CCDC192: variants seen among roughly 807,000 people sequenced by gnomAD.
CCDC192 encodes the protein coiled-coil domain-containing protein 192.
At chr5:127,707,960 G>A (rs248721) in intron 2 of CCDC192, among the ~76,000 whole-genome samples, 200 bp downstream of exon 2, 94,178 of 151,810 alleles carry the variant, frequency 0.62, 29,777 homozygotes, top group Non-Finnish European at 0.66. Context: ...GGTAACTATG[G>A]GATGTTACTG....
intron 2 of CCDC192, among the ~76,000 whole-genome samples, chr5:127,734,099 C>T (rs1333127699): frequency 7.5e-6 from 1 of 133,248 alleles, no homozygotes; most frequent in Non-Finnish European, 1.6e-5. Flanking sequence ...ACAACAGTCC[C>T]CAGAGTGTGA....
At chr5:127,834,290 C>A (rs569889862) in intron 5 of CCDC192, among the ~76,000 whole-genome samples, 1 of 152,308 alleles carries the variant, frequency 6.6e-6, no homozygotes, top group East Asian at 1.9e-4. Flanking sequence ...CCCTTTGTCT[C>A]ATCACTTGTC....
chr5:127,757,841 G>C (rs1754697699), intron 3 of CCDC192, among the ~76,000 whole-genome samples: 1 of 150,526 alleles, frequency 6.6e-6, no homozygotes, highest in South Asian at 2.1e-4. Context: ...ATGTGTGTGT[G>C]TGTGTGTGTG....
intron 2 of CCDC192, among the ~76,000 whole-genome samples, chr5:127,737,691 TC>T (rs1490357556): frequency 1.3e-5 from 2 of 151,746 alleles, no homozygotes; most frequent in Non-Finnish European, 2.9e-5. Flanking sequence ...GTAATGGCCT[TC>T]TTTGTCTCTT....
At chr5:127,762,276 A>T (rs533856194) in intron 3 of CCDC192, among the ~76,000 whole-genome samples, 2 of 152,276 alleles carry the variant, frequency 1.3e-5, no homozygotes, top group African/African-American at 4.8e-5. Context: ...AGTCTGTTTG[A>T]CCCAAAATGA....
chr5:127,794,438 A>G (rs566644390), intron 3 of CCDC192, among the ~76,000 whole-genome samples: 2 of 152,358 alleles, frequency 1.3e-5, no homozygotes, highest in Admixed American at 6.5e-5. Flanking sequence ...TGTTTTGAAG[A>G]TAAATTGAGA....
chr5:127,847,208 C>T (rs945099903), intron 5 of CCDC192, among the ~76,000 whole-genome samples: 2 of 152,220 alleles, frequency 1.3e-5, no homozygotes, highest in African/African-American at 4.8e-5. Context: ...CATACTTTCA[C>T]AGTCTCATGC....
intron 3 of CCDC192, among the ~76,000 whole-genome samples, chr5:127,762,180 G>A (rs1205504615): frequency 6.6e-6 from 1 of 152,104 alleles, no homozygotes; most frequent in African/African-American, 2.4e-5. Context: ...TGCTTGACAT[G>A]CCAATCTGAA....
At chr5:127,764,937 C>T (rs1263399265) in intron 3 of CCDC192, among the ~76,000 whole-genome samples, 2 of 151,994 alleles carry the variant, frequency 1.3e-5, no homozygotes, top group Non-Finnish European at 2.9e-5. Flanking sequence ...TTTGGAAGAC[C>T]ATGTGTTTTG....
intron 3 of CCDC192, among the ~76,000 whole-genome samples, chr5:127,761,002 C>CA: frequency 6.6e-6 from 1 of 152,226 alleles, no homozygotes; most frequent in Non-Finnish European, 1.5e-5. Context: ...CAAGAGGAGG[C>CA]AAAAACGCAA....
intron 2 of CCDC192, among the ~76,000 whole-genome samples, chr5:127,727,047 G>C (rs1163445968): frequency 2.0e-5 from 3 of 152,166 alleles, no homozygotes; most frequent in African/African-American, 7.2e-5. Context: ...GGAAGAAGTG[G>C]ACAGCCATCT....
At chr5:127,754,901 G>C (rs576098498) in intron 3 of CCDC192, among the ~76,000 whole-genome samples, 3 of 152,318 alleles carry the variant, frequency 2.0e-5, no homozygotes, top group Admixed American at 2.0e-4. Flanking sequence ...GTCTGCCCCA[G>C]GTGGCCTGGA....
At chr5:127,757,004 T>G (rs1754637855) in intron 3 of CCDC192, among the ~76,000 whole-genome samples, 1 of 152,250 alleles carries the variant, frequency 6.6e-6, no homozygotes, top group Non-Finnish European at 1.5e-5. Context: ...TATTTATTTT[T>G]TCAGTAATAT....
chr5:127,928,886 C>T (rs757310783), intron 6 of CCDC192, among the ~76,000 whole-genome samples: 134 of 152,190 alleles, frequency 8.8e-4, no homozygotes, highest in Non-Finnish European at 1.6e-3. Context: ...CTGCCTCAGC[C>T]TCCTGAGTAG....
At chr5:127,712,813 A>G (rs1464041716) in intron 2 of CCDC192, among the ~76,000 whole-genome samples, 1 of 152,198 alleles carries the variant, frequency 6.6e-6, no homozygotes, top group African/African-American at 2.4e-5. Flanking sequence ...TGTACTTTTA[A>G]CTTTTGAAAA....
chr5:127,763,715 G>A (rs1158127297), intron 3 of CCDC192, among the ~76,000 whole-genome samples: 1 of 152,018 alleles, frequency 6.6e-6, no homozygotes, highest in Admixed American at 6.6e-5. Context: ...GTTCTTTAAA[G>A]GTATCATATC....
intron 5 of CCDC192, 93 bp from the exon 6 acceptor site, chr5:127,875,445 A>G: frequency 2.5e-6 from 1 of 393,716 alleles, no homozygotes; most frequent in Non-Finnish European, 4.5e-6. Context: ...GCAGGCTTCA[A>G]AGGCAGTGTT....
chr5:127,844,449 G>A (rs1487229827), intron 5 of CCDC192, among the ~76,000 whole-genome samples: 1 of 152,180 alleles, frequency 6.6e-6, no homozygotes, highest in Non-Finnish European at 1.5e-5. Context: ...CAATAACAGA[G>A]CTGAGTAGAA....
At chr5:127,889,833 A>T (rs1177128731) in intron 6 of CCDC192, among the ~76,000 whole-genome samples, 1 of 149,830 alleles carries the variant, frequency 6.7e-6, no homozygotes, top group East Asian at 2.0e-4. Flanking sequence ...CTCTTTCTGA[A>T]CTCTTCCTGA....
Sources: gnomAD v4.1 joint callset for allele counts (sites outside exome capture counted in the v4.1 genomes callset) on GRCh38, gnomAD v4.1.1 for gene constraint, MANE v1.5 for transcripts, NCBI Gene and HGNC (gene_info 2026-07-23, HGNC 2026-07-21) for gene names.